VTCN1: variants seen among roughly 807,000 people sequenced by gnomAD.
The protein encoded by VTCN1 is V-set domain containing T cell activation inhibitor 1.
A neutral mutation model predicts 26.5 loss-of-function variants in VTCN1; 26 were observed. The observed-to-expected ratio is 0.98, with a 90% CI of 0.72 to 1.36. VTCN1 has a LOEUF of 1.36. Ranked by LOEUF, VTCN1 falls within the 40% of genes most tolerant of loss-of-function variation. The probability of loss-of-function intolerance (pLI) is 0.00; values close to 1 mark genes in which losing one functional copy is unlikely to be tolerated. For missense variants in VTCN1, 298 were observed against 337.7 expected (o/e 0.88, Z 0.92); for synonymous variants, 116 against 130.7 (o/e 0.89, Z 0.77).
chr1:117,173,077 G>A, intron 1 of VTCN1: 2 of 699,096 alleles, frequency 2.9e-6, no homozygotes, highest in Non-Finnish European at 2.7e-6. Context: ...TACCGTGAAG[G>A]ACCGCAGCTT....
chr1:117,151,846 T>G (rs1302695385), intron 4 of VTCN1, among the ~76,000 whole-genome samples: 1 of 152,202 alleles, frequency 6.6e-6, no homozygotes, highest in Non-Finnish European at 1.5e-5. Context: ...TTCCGCATCC[T>G]CACCAACATG....
Position 117,167,894 on chromosome 1 carries a change from T to G in VTCN1, c.97+2213A>C, listed in dbSNP as rs553835756. On this transcript the variant is annotated intron_variant, in intron 2 of 5. Coordinates refer to ENST00000369458, the MANE Select transcript of VTCN1 (RefSeq NM_024626.4). This position sits in a 1 kb window ranked among gnomAD's most constrained non-coding sequence, Gnocchi z 4.1. ...TAAAAGCTGGTTCTTTCAAAACTAC[T>G]ATAAAGCTAACAATACCTTATAAAT... Among the ~76,000 whole-genome samples, 42 of 151,882 alleles carry G rather than the reference T, an allele frequency of 2.8e-4. 1 individual carries two copies. In the South Asian group the frequency reaches 8.7e-3, roughly 31 times the overall value.
At chr1:117,197,935 G>A (rs373253173) in intron 1 of VTCN1, among the ~76,000 whole-genome samples, 1 of 152,122 alleles carries the variant, frequency 6.6e-6, no homozygotes, top group Non-Finnish European at 1.5e-5. Flanking sequence ...AAAGCAAAAG[G>A]CTTGTTTGTA....
chr1:117,161,914 T>C lies in VTCN1; in HGVS notation c.98-4993A>G, dbSNP rs1173201133. ...AGAAAAAATACATGATTAGCACAGT[T>C]TATGGAGAGAATGAAATGGTAATGA... On this transcript the variant is annotated intron_variant, in intron 2 of 5. Transcript: ENST00000369458. The surrounding 1 kb of genome is among the most constrained non-coding windows in gnomAD (Gnocchi z 4.3). Among the ~76,000 whole-genome samples the C allele has an allele frequency of 2.0e-5, 3 of 152,178 alleles. No individual in the cohort carries two copies. Among genetic ancestry groups the C allele is most frequent in the Non-Finnish European group, 2.9e-5 (2 of 68,028 alleles).
At chr1:117,177,847 T>C (rs1487948907) in intron 1 of VTCN1, among the ~76,000 whole-genome samples, 1 of 151,904 alleles carries the variant, frequency 6.6e-6, no homozygotes, top group Admixed American at 6.6e-5. Context: ...CTTAGAATAT[T>C]GTGTTGAAAA....
chr1:117,198,589 A>G (rs1206209547), intron 1 of VTCN1, among the ~76,000 whole-genome samples: 1 of 152,222 alleles, frequency 6.6e-6, no homozygotes, highest in Non-Finnish European at 1.5e-5. Context: ...CTGTAGAGGC[A>G]TAAGCAACCC....
intron 4 of VTCN1, among the ~76,000 whole-genome samples, chr1:117,151,717 G>T (rs1478451724): frequency 6.6e-6 from 1 of 152,060 alleles, no homozygotes; most frequent in South Asian, 2.1e-4. Flanking sequence ...CACGAAGTCC[G>T]GCTGGCTCCA....
rs956551899 is a variant in VTCN1 at position 117,169,658 on chromosome 1, C to T, written c.97+449G>A. Among the ~76,000 whole-genome samples, 2 of 152,082 alleles carry T rather than the reference C, an allele frequency of 1.3e-5. No individual in the cohort carries two copies. Among genetic ancestry groups the T allele is most frequent in the African/African-American group, 4.8e-5 (2 of 41,410 alleles). On this transcript the variant is annotated intron_variant, in intron 2 of 5. Transcript: ENST00000369458. This position sits in a 1 kb window ranked among gnomAD's most constrained non-coding sequence, Gnocchi z 4.0. The stretch of plus-strand genomic sequence containing the variant: ...CGGCAATCCCAGCACTTTGGGAGGC[C>T]GAGGCAGGTGGATTGCTTGAGCTCA...
chr1:117,195,805 C>T (rs1337355223), intron 1 of VTCN1, among the ~76,000 whole-genome samples: 1 of 152,098 alleles, frequency 6.6e-6, no homozygotes, highest in Non-Finnish European at 1.5e-5. Flanking sequence ...GGAATTTATT[C>T]TACAGAATCA....
intron 2 of VTCN1, among the ~76,000 whole-genome samples, chr1:117,162,453 T>C (rs1289585901): frequency 6.6e-6 from 1 of 152,122 alleles, no homozygotes; most frequent in African/African-American, 2.4e-5. Context: ...CTTTTTTTTT[T>C]ATTTTTTGGA....
intron 4 of VTCN1, among the ~76,000 whole-genome samples, chr1:117,152,538 T>C (rs1028132037): frequency 6.6e-6 from 1 of 152,174 alleles, no homozygotes; most frequent in Non-Finnish European, 1.5e-5. Flanking sequence ...GCTAGGGTGC[T>C]GGGAGACCAG....
Position 117,147,654 on chromosome 1 carries a change from C to G in VTCN1, c.*4G>C, listed in dbSNP as rs1042015804. 2 of 1,612,100 alleles carry G rather than the reference C, an allele frequency of 1.2e-6. No individual in the cohort carries two copies. Among genetic ancestry groups the G allele is most frequent in the African/African-American group, 2.7e-5 (2 of 74,728 alleles). On this transcript the variant is annotated 3_prime_UTR_variant, in exon 5 of 6. Coordinates refer to ENST00000369458, the MANE Select transcript of VTCN1 (RefSeq NM_024626.4). This position sits in a 1 kb window ranked among gnomAD's most constrained non-coding sequence, Gnocchi z 4.6. The stretch of plus-strand genomic sequence containing the variant: ...TTTGCATGCTTTTTTGTGGCCGAGG[C>G]ACATTATTTTAGCATCAGGTAAGGG...
chr1:117,183,078 AC>A lies in VTCN1; in HGVS notation c.33-12908del, dbSNP rs1289548620. ...TAAGCATAGAAAGCGAAGAAAGCAT[AC>A]TAAACCTGAAAGTTTGAATAAAAAT... is the stretch of plus-strand genomic sequence containing the variant. On this transcript the variant is annotated intron_variant, in intron 1 of 5. Coordinates refer to ENST00000369458, the MANE Select transcript of VTCN1 (RefSeq NM_024626.4). This position sits in a 1 kb window ranked among gnomAD's most constrained non-coding sequence, Gnocchi z 4.1. 6.6e-6 allele frequency among the ~76,000 whole-genome samples: 1 copy of A among 152,208 alleles called. No homozygotes were observed. Among genetic ancestry groups the A allele is most frequent in the Admixed American group, 6.5e-5 (1 of 15,284 alleles).
At position 117,195,890 on chromosome 1, in the gene VTCN1, C is replaced by T. The variant is rs146748850; in HGVS notation, c.32+14934G>A. ...ATAGGATTGGGTGCGGTGGCTCACA[C>T]CTGTAATCCTAGCACTTTAGGAGGA... On this transcript the variant is annotated intron_variant, in intron 1 of 5. Coordinates refer to ENST00000369458, the MANE Select transcript of VTCN1 (RefSeq NM_024626.4). 4.5e-3 allele frequency among the ~76,000 whole-genome samples: 679 copies of T among 152,262 alleles called. 6 individuals carry two copies. The highest frequency in any genetic ancestry group is 0.024 in the Middle Eastern group (7 of 294).
Position 117,156,605 on chromosome 1 carries a change from C to T in VTCN1, c.414G>A (p.Lys138=), listed in dbSNP as rs1281021551. Residue 138 remains lysine, a synonymous_variant, in exon 3 of 6, where the codon AAG becomes AAA. Coordinates refer to ENST00000369458, the MANE Select transcript of VTCN1 (RefSeq NM_024626.4). ...TTTTATACTCAAGGTTAGCATTCCCCTTGCCTTTAGAAGTGATGATATAAC... is the reference window on the plus strand; with the variant it reads ...TTTTATACTCAAGGTTAGCATTCCCTTTGCCTTTAGAAGTGATGATATAAC... ...YKCYIITSKG[K]GNANLEYKTG... is the part of the protein sequence containing the mutation. 1 of 1,606,558 alleles carries T rather than the reference C, an allele frequency of 6.2e-7. No individual in the cohort carries two copies. Among genetic ancestry groups the T allele is most frequent in the Non-Finnish European group, 8.5e-7 (1 of 1,176,204 alleles).
chr1:117,157,761 A>G (rs891278689), intron 2 of VTCN1, among the ~76,000 whole-genome samples: 6 of 152,190 alleles, frequency 3.9e-5, no homozygotes, highest in Admixed American at 1.3e-4. Flanking sequence ...CATTAACTCA[A>G]AAGTCCACAG....
intron 1 of VTCN1, among the ~76,000 whole-genome samples, chr1:117,188,202 C>G (rs1217056168): frequency 6.6e-6 from 1 of 152,122 alleles, no homozygotes; most frequent in Non-Finnish European, 1.5e-5. Flanking sequence ...TCAATATGAT[C>G]TAGAACAGAT....
chr1:117,194,420 G>A (rs765452104), intron 1 of VTCN1, among the ~76,000 whole-genome samples: 6 of 152,142 alleles, frequency 3.9e-5, no homozygotes, highest in Non-Finnish European at 8.8e-5. Flanking sequence ...TACTATTGGT[G>A]GGAATGTAAA....
intron 1 of VTCN1, among the ~76,000 whole-genome samples, chr1:117,170,971 G>A (rs1652882638): frequency 6.6e-6 from 1 of 152,092 alleles, no homozygotes; most frequent in South Asian, 2.1e-4. Context: ...AGACCTGCAT[G>A]CATTATTTGT....
Sources: allele counts gnomAD v4.1 joint callset (sites outside exome capture counted in the v4.1 genomes callset), GRCh38; gene constraint gnomAD v4.1.1; non-coding constraint Gnocchi (gnomAD v3.1); transcripts MANE v1.5; gene names NCBI Gene and HGNC (gene_info 2026-07-23, HGNC 2026-07-21).